The following FRMD4B variants were observed in gnomAD, a reference collection of about 807,000 sequenced individuals.
The protein encoded by FRMD4B is FERM domain-containing protein 4B.
Under a neutral mutation model 141.5 loss-of-function variants are expected in FRMD4B, and 74 were observed. That is an observed-to-expected ratio of 0.52 (90% CI 0.43 to 0.63). FRMD4B has a LOEUF of 0.63. FRMD4B is among the 30% of genes least tolerant of loss of function. FRMD4B has a pLI of 0.00. For synonymous variants in FRMD4B, 506 were observed against 467.9 expected (o/e 1.08, Z -1.05); for missense variants, 1,366 against 1,253.4 (o/e 1.09, Z -1.36).
chr3:69,339,857 TGA>T (rs1702676301), intron 1 of FRMD4B, among the ~76,000 whole-genome samples: 1 of 152,092 alleles, frequency 6.6e-6, no homozygotes, highest in Non-Finnish European at 1.5e-5. Flanking sequence ...CAAAGTCCCC[TGA>T]GAGGGGATTC....
At chr3:69,212,585 T>C (rs2093097408) in intron 11 of FRMD4B, among the ~76,000 whole-genome samples, 1 of 152,070 alleles carries the variant, frequency 6.6e-6, no homozygotes, top group African/African-American at 2.4e-5. Flanking sequence ...ATTTGCCAAT[T>C]TCTATGAAAC....
intron 19 of FRMD4B, among the ~76,000 whole-genome samples, chr3:69,184,752 T>C (rs1272067434): frequency 6.6e-6 from 1 of 152,234 alleles, no homozygotes; most frequent in Non-Finnish European, 1.5e-5. Flanking sequence ...AATAGGACTT[T>C]CTGCAATGAC....
At chr3:69,495,159 T>G (rs17006017) in intron 1 of FRMD4B, among the ~76,000 whole-genome samples, 6 of 152,068 alleles carry the variant, frequency 3.9e-5, no homozygotes, top group Admixed American at 2.0e-4. Flanking sequence ...CCTAATAAAC[T>G]ACAACCCCAC....
intron 1 of FRMD4B, among the ~76,000 whole-genome samples, chr3:69,332,893 T>C (rs1575739198): frequency 6.6e-6 from 1 of 151,992 alleles, no homozygotes; most frequent in Non-Finnish European, 1.5e-5. Flanking sequence ...GCTCCTTTTT[T>C]CTATCGCTTC....
At chr3:69,398,792 T>C (rs943920813) in intron 2 of FRMD4B, among the ~76,000 whole-genome samples, 1 of 152,220 alleles carries the variant, frequency 6.6e-6, no homozygotes, top group African/African-American at 2.4e-5. Context: ...GAAAGCGTTA[T>C]GCAACCAAGT....
intron 7 of FRMD4B, among the ~76,000 whole-genome samples, chr3:69,237,626 G>A (rs1266853626): frequency 6.6e-6 from 1 of 151,940 alleles, no homozygotes; most frequent in Non-Finnish European, 1.5e-5. Flanking sequence ...CTTCATGGGG[G>A]TTCAGGTGCG....
At chr3:69,275,591 C>G (rs1332059171) in intron 5 of FRMD4B, among the ~76,000 whole-genome samples, 1 of 151,838 alleles carries the variant, frequency 6.6e-6, no homozygotes, top group Non-Finnish European at 1.5e-5. Flanking sequence ...AGGCATGTAC[C>G]CAGCTAGTTT....
chr3:69,386,234 C>T, upstream of FRMD4B: 1 of 408,724 alleles, frequency 2.4e-6, no homozygotes, highest in East Asian at 4.0e-5. Context: ...CCCGCCCGCT[C>T]GCAGCGCCGA....
chr3:69,522,586 C>T (rs1700869324), intron 1 of FRMD4B, among the ~76,000 whole-genome samples: 1 of 152,130 alleles, frequency 6.6e-6, no homozygotes, highest in South Asian at 2.1e-4. Flanking sequence ...CCTATTCCAT[C>T]AGGCTTCAGA....
At chr3:69,193,619 CAAA>C in intron 17 of FRMD4B, 26 bp downstream of exon 17, 2 of 1,020,942 alleles carry the variant, frequency 2.0e-6, no homozygotes, top group African/African-American at 3.1e-5. Flanking sequence ...GTAGGGGACT[CAAA>C]AAAAAAAACC....
intron 1 of FRMD4B, among the ~76,000 whole-genome samples, chr3:69,368,089 T>G (rs1402398699): frequency 1.3e-5 from 2 of 152,236 alleles, no homozygotes; most frequent in Non-Finnish European, 2.9e-5. Context: ...GGCCTTTTTC[T>G]AAACTATAAT....
chr3:69,536,887 C>T (rs937067326), intron 1 of FRMD4B, among the ~76,000 whole-genome samples: 1 of 152,088 alleles, frequency 6.6e-6, no homozygotes, highest in African/African-American at 2.4e-5. Context: ...CCTGGGATTA[C>T]AGGAATGTGC....
chr3:69,248,267 A>G (rs1244089541), intron 7 of FRMD4B, among the ~76,000 whole-genome samples: 1 of 148,094 alleles, frequency 6.8e-6, no homozygotes, highest in African/African-American at 2.4e-5. Context: ...ACACAAATAT[A>G]TATATATAGA....
intron 1 of FRMD4B, among the ~76,000 whole-genome samples, chr3:69,490,858 C>T (rs1706291671): frequency 1.3e-5 from 2 of 152,128 alleles, no homozygotes; most frequent in African/African-American, 2.4e-5. Context: ...TTGCTTGCTT[C>T]TGCCCTAGTA....
At chr3:69,271,696 G>C (rs897371360) in intron 5 of FRMD4B, among the ~76,000 whole-genome samples, 2 of 152,160 alleles carry the variant, frequency 1.3e-5, no homozygotes, top group Admixed American at 6.5e-5. Flanking sequence ...TAATAGGCCA[G>C]GCACAGTGGC....
chr3:69,388,256 A>G (rs180703498), upstream of FRMD4B, among the ~76,000 whole-genome samples: 2 of 152,292 alleles, frequency 1.3e-5, no homozygotes, highest in East Asian at 3.9e-4. Context: ...GCGTAGGTCT[A>G]ATGTCAGCAG....
intron 17 of FRMD4B, among the ~76,000 whole-genome samples, chr3:69,190,932 G>A (rs984865867): frequency 6.6e-6 from 1 of 152,156 alleles, no homozygotes; most frequent in African/African-American, 2.4e-5. Context: ...CCCACAATGG[G>A]GATAACAACA....
chr3:69,279,738 T>C (rs369813275), intron 5 of FRMD4B, among the ~76,000 whole-genome samples: 47 of 37,306 alleles, frequency 1.3e-3, no homozygotes, highest in East Asian at 3.5e-3. Context: ...CCTTCTCCTC[T>C]TCCCCTCCTC....
intron 5 of FRMD4B, among the ~76,000 whole-genome samples, chr3:69,272,201 G>A (rs2093597456): frequency 6.6e-6 from 1 of 151,966 alleles, no homozygotes; most frequent in Non-Finnish European, 1.5e-5. Context: ...GAGTGCAGTG[G>A]TATGATCTTG....
Sources: allele counts gnomAD v4.1 joint callset (sites outside exome capture counted in the v4.1 genomes callset), GRCh38; gene constraint gnomAD v4.1.1; transcripts MANE v1.5; gene names NCBI Gene and HGNC (gene_info 2026-07-23, HGNC 2026-07-21).